EML2: variants seen among roughly 807,000 people sequenced by gnomAD.
The protein encoded by EML2 is echinoderm microtubule-associated protein-like 2.
In EML2, 59 loss-of-function variants were observed where a neutral mutation model predicts 84.7. The ratio of observed to expected loss-of-function variants is 0.70; its 90% CI spans 0.56 to 0.86. EML2 has a LOEUF of 0.86. Ranked by LOEUF, EML2 falls within the 40% of genes least tolerant of loss-of-function variation. The pLI, the probability that EML2 is intolerant of heterozygous loss-of-function variation, is 0.00. For synonymous variants in EML2, 352 were observed against 348.9 expected (o/e 1.01, Z -0.10); for missense variants, 818 against 855.6 (o/e 0.96, Z 0.55).
chr19:45,618,362 A>C (rs1174083869), intron 12 of EML2, among the ~76,000 whole-genome samples: 2 of 151,854 alleles, frequency 1.3e-5, no homozygotes, highest in Admixed American at 6.6e-5. Context: ...GGTGTCAGCC[A>C]CCACACCCAG....
chr19:45,626,832 T>A lies in EML2; in HGVS notation c.614A>T (p.Asn205Ile). 1 of 1,612,186 alleles carries A rather than the reference T, an allele frequency of 6.2e-7. No individual in the cohort carries two copies. The highest frequency in any genetic ancestry group is 8.5e-7 in the Non-Finnish European group (1 of 1,179,176). ...GAAGGTGGCCACCAATACAGCCTCA[T>A]TGGAGCACTTTGGGGGGTGGGGGAG... ...ETKVVDVKCS[N>I]EAVLVATFHP... is the part of the protein sequence containing the mutation. The change falls in exon 8 of 19, where the codon AAT becomes ATT. Residue 205 changes from asparagine to isoleucine, a missense_variant. Physicochemically the swap from Asn to Ile is moderately radical, Grantham distance 149 (BLOSUM62 -3). Transcript: ENST00000245925.
At chr19:45,626,572 C>T (rs1361313197) in intron 8 of EML2, 133 bp downstream of exon 8, 14 of 1,013,362 alleles carry the variant, frequency 1.4e-5, no homozygotes, top group Non-Finnish European at 2.0e-5. Context: ...GAAACTGAGG[C>T]CCCAGCAGGC....
chr19:45,625,852 C>T (rs1242770845), intron 8 of EML2, among the ~76,000 whole-genome samples: 1 of 150,986 alleles, frequency 6.6e-6, no homozygotes, highest in East Asian at 1.9e-4. Flanking sequence ...TATCGACAAC[C>T]GCAGCACCCC....
At chr19:45,621,385 G>T in intron 10 of EML2, 53 bp from the exon 11 acceptor site, 2 of 1,575,484 alleles carry the variant, frequency 1.3e-6, no homozygotes, top group South Asian at 2.3e-5. Context: ...GGTGGGTGTG[G>T]GGTGACATAC....
chr19:45,643,713 T>A, upstream of EML2: 1 of 1,533,952 alleles, frequency 6.5e-7, no homozygotes, highest in Admixed American at 2.0e-5. Flanking sequence ...CAGCTGGCCC[T>A]CTGGGCTCCG....
rs1350218888 is a variant in EML2 at position 45,621,480 on chromosome 19, C to T, written c.996+3G>A. On this transcript the variant is annotated splice_donor_region_variant and intron_variant, in intron 10 of 18. Coordinates refer to ENST00000245925, the MANE Select transcript of EML2 (RefSeq NM_012155.4). Reference sequence around the variant, plus strand: ...CCCATCTGAGCCCACTGCCCCTCCTCACCTCCACTTCCTGCAGCTTGCTGT... The same window carrying T: ...CCCATCTGAGCCCACTGCCCCTCCTTACCTCCACTTCCTGCAGCTTGCTGT... 1.2e-6 allele frequency: 2 copies of T among 1,608,930 alleles called. No individual in the cohort carries two copies. The highest frequency in any genetic ancestry group is 8.5e-7 in the Non-Finnish European group (1 of 1,178,804).
chr19:45,639,380 G>C lies in EML2; in HGVS notation c.-4C>G, dbSNP rs567066656. ...ACCCAGCTCCAAAGCTACTCATGGC[G>C]GCGGGTGGCGGAGCTTCGGGGCCGG... On this transcript the variant is annotated 5_prime_UTR_variant, in exon 1 of 19. Transcript: ENST00000245925. 6.4e-4 allele frequency: 812 copies of C among 1,262,810 alleles called. 13 individuals carry two copies. In the South Asian group the frequency reaches 0.021, roughly 33 times the overall value. 78.2% of individuals were successfully genotyped at this position (1,262,810 alleles called of 1,614,324 possible).
chr19:45,612,100 A>C (rs766406050), intron 18 of EML2, among the ~76,000 whole-genome samples: 1 of 149,626 alleles, frequency 6.7e-6, no homozygotes, highest in Admixed American at 6.7e-5. Flanking sequence ...CGCTCAGTGC[A>C]TTGTTGCTTA....
chr19:45,636,111 C>T lies in EML2; in HGVS notation c.180-1640G>A, dbSNP rs564648225. On this transcript the variant is annotated intron_variant, in intron 3 of 18. Transcript: ENST00000245925. ...TCCGCTTCCCAAATAGCTGAGACTA[C>T]AGGCATGCACCACCATGCCCAGCAA... is the stretch of plus-strand genomic sequence containing the variant. Among the ~76,000 whole-genome samples, 31 of 151,486 alleles carry T rather than the reference C, an allele frequency of 2.0e-4. 1 individual carries two copies. The South Asian group carries it at 6.5e-3, about 32-fold the overall frequency.
At chr19:45,644,269 T>C (rs10426693), upstream of EML2, among the ~76,000 whole-genome samples, 60,461 of 151,972 alleles carry the variant, frequency 0.4, 12,327 homozygotes, top group Middle Eastern at 0.49. Context: ...GGAGGAAGGT[T>C]ACTGAAGCCC....
rs187725618 is a variant in EML2, at chr19:45,619,195, G to T, written c.1123-4C>A. ...CCCACAGCTCTTCCACATGGCCCTG[G>T]TGGAAAGGGAGGACAGCAGGATGGA... On this transcript the variant is annotated splice_polypyrimidine_tract_variant and splice_region_variant and intron_variant, in intron 11 of 18. Coordinates refer to ENST00000245925, the MANE Select transcript of EML2 (RefSeq NM_012155.4). 2.2e-5 allele frequency: 36 copies of T among 1,609,218 alleles called. No individual in the cohort carries two copies. The highest frequency in any genetic ancestry group is 2.9e-5 in the Non-Finnish European group (34 of 1,178,302).
Position 45,630,032 on chromosome 19 carries a change from C to A in EML2, c.525G>T (p.Leu175=), listed in dbSNP as rs140145771. The A allele has an allele frequency of 7.4e-6, 12 of 1,612,606 alleles. No individual in the cohort carries two copies. Among genetic ancestry groups the A allele is most frequent in the Non-Finnish European group, 8.5e-6 (10 of 1,179,244 alleles). Residue 175 remains leucine (L), a synonymous_variant, in exon 7 of 19, where the codon CTG becomes CTT. Coordinates refer to ENST00000245925, the MANE Select transcript of EML2 (RefSeq NM_012155.4). The stretch of plus-strand genomic sequence containing the variant: ...CATTGGATTCATCCACTGCACACAG[C>A]AGGTTGCCTCCATTCTAAAGAGGAG... ...VGFSKSNGGN[L]LCAVDESNDH... is the part of the protein sequence containing the mutation.
intron 3 of EML2, 166 bp from the exon 4 acceptor site, chr19:45,634,637 C>A (rs1973504654): frequency 6.3e-6 from 2 of 317,066 alleles, no homozygotes; most frequent in Non-Finnish European, 9.5e-6. Context: ...TCTCAGCTCA[C>A]TGCAAGCTCC....
chr19:45,610,701 G>A (rs554350862), intron 18 of EML2, among the ~76,000 whole-genome samples: 4 of 151,900 alleles, frequency 2.6e-5, no homozygotes, highest in South Asian at 2.1e-4. Context: ...TTAGCCGGGC[G>A]TGGTGGCACA....
At chr19:45,616,734 GC>G in intron 14 of EML2, 30 bp downstream of exon 14, 1 of 1,596,702 alleles carries the variant, frequency 6.3e-7, no homozygotes. Context: ...CCCTGGCCCT[GC>G]CGCTTGGGTG....
chr19:45,645,336 C>T (rs1343633265), upstream of EML2: 1 of 1,532,074 alleles, frequency 6.5e-7, no homozygotes, highest in Non-Finnish European at 8.7e-7. Context: ...CCGCGCTCCG[C>T]CATCGCCCCA....
At chr19:45,619,007 G>C (rs904725191) in intron 12 of EML2, 53 bp downstream of exon 12, 12 of 1,523,444 alleles carry the variant, frequency 7.9e-6, no homozygotes, top group African/African-American at 6.9e-5. Flanking sequence ...CCTGACACAG[G>C]GGGAAAGGTA....
intron 5 of EML2, 39 bp downstream of exon 5, chr19:45,633,031 G>A: frequency 6.3e-7 from 1 of 1,596,908 alleles, no homozygotes; most frequent in Non-Finnish European, 8.5e-7. Context: ...CCACAACTGC[G>A]TCCTGCACTC....
In EML2 at chr19:45,616,902, A is replaced by G. The variant is rs770882308; in HGVS notation, c.1323-49T>C. 20 of 1,401,348 alleles carry G rather than the reference A, an allele frequency of 1.4e-5. No homozygotes were observed. The South Asian group carries it at 2.2e-4, about 16-fold the overall frequency. The allele number at this position is 1,401,348 out of a possible 1,614,324, so 86.8% of individuals were successfully genotyped here. A position where few individuals can be genotyped will look rare whatever the true frequency, so the allele number is the denominator to read the frequency against. On this transcript the variant is annotated intron_variant, in intron 13 of 18. Coordinates refer to ENST00000245925, the MANE Select transcript of EML2 (RefSeq NM_012155.4). ...GGGAGGAGGGGTGAGCTGATCTGAC[A>G]GAGAGAGGCCGCAATCTGTGGGGTC...
Sources: gnomAD v4.1 joint callset for allele counts (sites outside exome capture counted in the v4.1 genomes callset) on GRCh38, gnomAD v4.1.1 for gene constraint, MANE v1.5 for transcripts, NCBI Gene and HGNC (gene_info 2026-07-23, HGNC 2026-07-21) for gene names.